DNAH17: variants seen among roughly 807,000 people sequenced by gnomAD.
DNAH17 encodes axonemal beta dynein heavy chain 17.
Under a neutral mutation model 485.6 loss-of-function variants are expected in DNAH17, and 376 were observed. The ratio of observed to expected loss-of-function variants is 0.77; its 90% confidence interval spans 0.71 to 0.84. DNAH17 has a LOEUF of 0.84. Ranked by LOEUF, DNAH17 falls within the 40% of genes least tolerant of loss-of-function variation. The probability of loss-of-function intolerance (pLI) is 0.00; values close to 1 mark genes in which losing one functional copy is unlikely to be tolerated. For synonymous variants in DNAH17, 3,031 were observed against 2,405.9 expected (o/e 1.26, Z -7.60); for missense variants, 6,370 against 5,839.3 (o/e 1.09, Z -2.96).
At chr17:78,574,339 C>G (rs2092403357) in intron 2 of DNAH17, among the ~76,000 whole-genome samples, 1 of 151,850 alleles carries the variant, frequency 6.6e-6, no homozygotes, top group Non-Finnish European at 1.5e-5. Context: ...CATCTCTTAC[C>G]AAAAAATACG....
In DNAH17 at chr17:78,529,733, C is replaced by T. The variant is rs751783313; in HGVS notation, c.3285-39G>A. On this transcript the variant is annotated intron_variant, in intron 21 of 80. Coordinates refer to ENST00000389840, the MANE Select transcript of DNAH17 (RefSeq NM_173628.4). ...GGACCATTTGTGTGGCCCCAGCCCC[C>T]CTTAGGCCCACCCTTGATGGTACGG... 18 of 1,597,954 alleles carry T rather than the reference C, an allele frequency of 1.1e-5. No homozygotes were observed. In the African/African-American group the frequency reaches 2.4e-4, roughly 21 times the overall value.
chr17:78,436,739 G>A (rs1012463628), intron 74 of DNAH17, among the ~76,000 whole-genome samples: 20 of 152,018 alleles, frequency 1.3e-4, no homozygotes, highest in African/African-American at 4.3e-4. Flanking sequence ...CAGCTACTCG[G>A]GAGTCTGAGG....
chr17:78,428,465 C>CCT (rs1214975795), intron 77 of DNAH17, 60 bp downstream of exon 77: 2 of 1,543,468 alleles, frequency 1.3e-6, no homozygotes, highest in African/African-American at 2.7e-5. Flanking sequence ...CCTGTGACCC[C>CCT]CTCCTCAGTT....
chr17:78,532,847 A>G (rs957708247), intron 19 of DNAH17, 111 bp from the exon 20 acceptor site: 3 of 1,254,024 alleles, frequency 2.4e-6, no homozygotes, highest in Non-Finnish European at 3.2e-6. Flanking sequence ...AAGGGCTTCC[A>G]ATCTCTCATG....
intron 13 of DNAH17, among the ~76,000 whole-genome samples, chr17:78,559,215 A>C (rs1182686544): frequency 1.3e-5 from 2 of 152,110 alleles, no homozygotes; most frequent in African/African-American, 4.8e-5. Context: ...TCCCACGTTT[A>C]TGTCTCCAAC....
At chr17:78,575,845 A>G (rs2092426341) in intron 1 of DNAH17, among the ~76,000 whole-genome samples, 1 of 152,260 alleles carries the variant, frequency 6.6e-6, no homozygotes, top group Admixed American at 6.5e-5. Context: ...AGGCATGTCA[A>G]TATTTTTAAA....
intron 16 of DNAH17, among the ~76,000 whole-genome samples, chr17:78,550,931 A>C (rs1332392558): frequency 6.6e-6 from 1 of 152,194 alleles, no homozygotes; most frequent in African/African-American, 2.4e-5. Flanking sequence ...TTGAAAATTG[A>C]ATCAGAGCCA....
At chr17:78,434,327 TG>T in intron 74 of DNAH17, 107 bp from the exon 75 acceptor site, 2 of 968,188 alleles carry the variant, frequency 2.1e-6, no homozygotes, top group Non-Finnish European at 3.0e-6. Flanking sequence ...TTTGCTAGGG[TG>T]GGGGCGGTGG....
chr17:78,476,610 G>A lies in DNAH17; in HGVS notation c.8116C>T (p.His2706Tyr), dbSNP rs2089038317. 1 of 1,611,566 alleles carries A rather than the reference G, an allele frequency of 6.2e-7. No individual in the cohort carries two copies. Among genetic ancestry groups the A allele is most frequent in the Non-Finnish European group, 8.5e-7 (1 of 1,178,876 alleles). Residue 2706 changes from histidine (H) to tyrosine (Y), a missense_variant, in exon 52 of 81, where the codon CAT (histidine) becomes TAT (tyrosine). Physicochemically the swap from His to Tyr is moderately conservative, Grantham distance 83. Transcript: ENST00000389840. ...MVDEKDQETL[H>Y]RVTMASTKKF... The stretch of plus-strand genomic sequence containing the variant: ...TTGGTGGAGGCCATGGTGACTCTAT[G>A]CAATGTTTCCTGGTCTTTTTCGTCA...
At chr17:78,510,749 C>T (rs1009694539) in intron 26 of DNAH17, 16 of 335,318 alleles carry the variant, frequency 4.8e-5, no homozygotes, top group East Asian at 2.6e-4. Context: ...GGCGGAATTG[C>T]GGCCCCCCCG....
chr17:78,478,338 AT>A (rs1440793113), intron 51 of DNAH17, among the ~76,000 whole-genome samples: 2 of 145,494 alleles, frequency 1.4e-5, no homozygotes, highest in East Asian at 2.1e-4. Context: ...CATTATCACC[AT>A]CACATCACCC....
At chr17:78,546,854 G>A (rs1487599234) in intron 16 of DNAH17, among the ~76,000 whole-genome samples, 6 of 152,026 alleles carry the variant, frequency 3.9e-5, no homozygotes, top group South Asian at 2.1e-4. Flanking sequence ...GCAGCAAGCC[G>A]AGATTGTGCC....
intron 55 of DNAH17, among the ~76,000 whole-genome samples, chr17:78,468,036 G>A (rs76141188): frequency 3.6e-4 from 17 of 47,578 alleles, no homozygotes; most frequent in Admixed American, 6.0e-4. Context: ...AAAAAAAAGA[G>A]AGAGAGAGAG....
At chr17:78,433,837 G>A (rs533248657) in intron 75 of DNAH17, among the ~76,000 whole-genome samples, 192 bp downstream of exon 75, 1 of 151,874 alleles carries the variant, frequency 6.6e-6, no homozygotes, top group African/African-American at 2.4e-5. Flanking sequence ...ATCACAGATG[G>A]TGCTGCCTTT....
At chr17:78,515,115 G>A (rs2090747232) in intron 25 of DNAH17, 93 bp from the exon 26 acceptor site, 19 of 1,440,122 alleles carry the variant, frequency 1.3e-5, no homozygotes, top group Non-Finnish European at 1.8e-5. Context: ...CTCGCAGGGA[G>A]CAAAGCCCAG....
chr17:78,494,531 T>C (rs2089994343), intron 40 of DNAH17, 62 bp downstream of exon 40: 2 of 1,542,998 alleles, frequency 1.3e-6, no homozygotes, highest in East Asian at 2.3e-5. Flanking sequence ...CCAACATCAG[T>C]GGGAAGGAAG....
chr17:78,569,526 G>A lies in DNAH17; in HGVS notation c.1046C>T (p.Thr349Ile). Residue 349 changes from threonine (T) to isoleucine (I), a missense_variant and splice_region_variant, in exon 8 of 81, where the codon ACA becomes ATA. Transcript: ENST00000389840. ...CTCTTCCGGGCTCAGGAAGGTTCGT[G>A]TCTGGGCAAAAGAGAAGACAGACAT... ...QEFCNQIIEMTRTFLSPEEVL... is the reference protein window; with the variant it reads ...QEFCNQIIEMIRTFLSPEEVL... 6.2e-7 allele frequency: 1 copy of A among 1,603,354 alleles called. No individual in the cohort carries two copies. Among genetic ancestry groups the A allele is most frequent in the South Asian group, 1.1e-5 (1 of 89,012 alleles).
At position 78,459,122 on chromosome 17, in the gene DNAH17, T is replaced by C; in HGVS notation, c.9740A>G (p.Asn3247Ser). The C allele has an allele frequency of 6.2e-7, 1 of 1,613,976 alleles. No homozygotes were observed. The highest frequency in any genetic ancestry group is 8.5e-7 in the Non-Finnish European group (1 of 1,179,898). ...GTAGACCTCGTAGAAGCGGACGATG[T>C]TGATGCACCAGGAGCACAGGCCGGC... ...AAAGLCSWCI[N>S]IVRFYEVYCD... The change falls in exon 61 of 81, where the codon AAC (asparagine) becomes AGC (serine). Residue 3247 changes from asparagine (N) to serine (S), a missense_variant. By Grantham distance (46) the Asn-to-Ser change is conservative. Transcript: ENST00000389840.
At position 78,485,831 on chromosome 17, in the gene DNAH17, G is replaced by A. The variant is rs575063386; in HGVS notation, c.7276-74C>T. ...TGCCTCTCGTGGGTGTGCAGGCCAT[G>A]TTCTACCGAACAGGTCCTAATGTTG... is the stretch of plus-strand genomic sequence containing the variant. On this transcript the variant is annotated intron_variant, in intron 46 of 80. Coordinates refer to ENST00000389840, the MANE Select transcript of DNAH17 (RefSeq NM_173628.4). 4.0e-5 allele frequency: 64 copies of A among 1,581,240 alleles called. No individual in the cohort carries two copies. The African/African-American group carries it at 7.8e-4, about 19-fold the overall frequency.
Sources: allele counts gnomAD v4.1 joint callset (sites outside exome capture counted in the v4.1 genomes callset), GRCh38; gene constraint gnomAD v4.1.1; transcripts MANE v1.5; gene names NCBI Gene and HGNC (gene_info 2026-07-23, HGNC 2026-07-21).